FBXL18: variants seen among roughly 807,000 people sequenced by gnomAD.
FBXL18 encodes F-box/LRR-repeat protein 18.
FBXL18 carries 36 observed loss-of-function variants against 46.0 expected under a neutral mutation model. The observed-to-expected ratio is 0.78, with a 90% CI of 0.60 to 1.03. The LOEUF (loss-of-function observed/expected upper bound fraction) is 1.03. FBXL18 is among the 50% of genes least tolerant of loss of function. The pLI is 0.00. For synonymous variants in FBXL18, 557 were observed against 465.3 expected, an observed-to-expected ratio of 1.20 and a Z score of -2.54; for missense variants, 977 against 1,004.1, an observed-to-expected ratio of 0.97 and a Z score of 0.36.
Position 5,458,463 on chromosome 7 carries a change from G to T in FBXL18, c.2001-10620C>A, listed in dbSNP as rs1436194498. Among the ~76,000 whole-genome samples, 6 of 152,118 alleles carry T rather than the reference G, an allele frequency of 3.9e-5. No homozygotes were observed. In the East Asian group the frequency reaches 1.2e-3, roughly 29 times the overall value. Reference sequence around the variant, plus strand: ...GCCTGTAATCCCAGCACTTTGGGAGGCTGCGGCGGGCGGATCACGAGATCA... The same window carrying T: ...GCCTGTAATCCCAGCACTTTGGGAGTCTGCGGCGGGCGGATCACGAGATCA... On this transcript the variant is annotated intron_variant and NMD_transcript_variant, in intron 4 of 6. Coordinates refer to the FBXL18 transcript ENST00000415009.
intron 4 of FBXL18, among the ~76,000 whole-genome samples, chr7:5,456,771 T>C (rs1294139933): frequency 6.6e-6 from 1 of 152,168 alleles, no homozygotes; most frequent in Non-Finnish European, 1.5e-5. Flanking sequence ...GTCCCCTTTT[T>C]TTGTTTGTTT....
In FBXL18 at chr7:5,505,505, C is replaced by T; in HGVS notation, c.144G>A (p.Leu48=). 1 of 1,614,178 alleles carries T rather than the reference C, an allele frequency of 6.2e-7. No homozygotes were observed. Among genetic ancestry groups the T allele is most frequent in the African/African-American group, 1.3e-5 (1 of 75,052 alleles). Reference sequence around the variant, plus strand: ...GACAGGTACGCCGGACGTTCAGAATCAGATCTGTGCTGGGGACGTGACTCA... The same window carrying T: ...GACAGGTACGCCGGACGTTCAGAATTAGATCTGTGCTGGGGACGTGACTCA... ...HILSHVPSTD[L]ILNVRRTCRK... is the part of the protein sequence containing the mutation. Residue 48 remains leucine (L), a synonymous_variant, in exon 2 of 5, where the codon CTG becomes CTA. Coordinates refer to ENST00000382368, the MANE Select transcript of FBXL18 (RefSeq NM_024963.6).
At chr7:5,471,647 T>G (rs1476304445), downstream of FBXL18, among the ~76,000 whole-genome samples, 2 of 152,196 alleles carry the variant, frequency 1.3e-5, no homozygotes, top group Non-Finnish European at 2.9e-5. Context: ...CCTGACCTCA[T>G]GATCTGCCCT....
In FBXL18 at chr7:5,496,252, C is replaced by A. The variant is rs1241812821; in HGVS notation, c.1781+4236G>T. ...ATCAAAGGGGTCAAGACCTGTACAC[C>A]CATGAAAAGCACCTGGCAGAGGTCA... On this transcript the variant is annotated intron_variant, in intron 3 of 4. Coordinates refer to ENST00000382368, the MANE Select transcript of FBXL18 (RefSeq NM_024963.6). This position sits in a 1 kb window ranked among gnomAD's most constrained non-coding sequence, Gnocchi z 4.8. Among the ~76,000 whole-genome samples the A allele has an allele frequency of 1.3e-5, 2 of 152,166 alleles. No homozygotes were observed. The highest frequency in any genetic ancestry group is 2.1e-4 in the South Asian group (1 of 4,836).
chr7:5,468,918 C>G (rs1345906103), intron 4 of FBXL18, among the ~76,000 whole-genome samples: 1 of 152,122 alleles, frequency 6.6e-6, no homozygotes, highest in African/African-American at 2.4e-5. Flanking sequence ...CACCTCTAAT[C>G]AAACTGGCTG....
At chr7:5,466,305 AGTCC>A (rs1365826929) in intron 4 of FBXL18, among the ~76,000 whole-genome samples, 1 of 152,204 alleles carries the variant, frequency 6.6e-6, no homozygotes. Context: ...GAGGGTCAGA[AGTCC>A]GAGATAGGTC....
chr7:5,463,369 C>T lies in FBXL18; in HGVS notation c.2001-15526G>A, dbSNP rs575356059. ...GGGCAGTGGCTCAGGCCTGTAATTC[C>T]AGCGCCTTGGGAGGTCAAGGCAGGA... On this transcript the variant is annotated intron_variant and NMD_transcript_variant, in intron 4 of 6. Coordinates refer to the FBXL18 transcript ENST00000415009. Among the ~76,000 whole-genome samples, 8 of 152,004 alleles carry T rather than the reference C, an allele frequency of 5.3e-5. No homozygotes were observed. The South Asian group carries it at 1.5e-3, about 28-fold the overall frequency.
At chr7:5,458,581 C>G (rs879772448) in intron 4 of FBXL18, among the ~76,000 whole-genome samples, 2 of 152,038 alleles carry the variant, frequency 1.3e-5, no homozygotes, top group Non-Finnish European at 2.9e-5. Flanking sequence ...ACCTGTAATC[C>G]GAGCTACTCA....
chr7:5,498,318 C>T (rs1055738284), intron 3 of FBXL18, among the ~76,000 whole-genome samples: 1 of 152,140 alleles, frequency 6.6e-6, no homozygotes, highest in Non-Finnish European at 1.5e-5. Flanking sequence ...GATCTCCTGA[C>T]CTTATGATCC....
At chr7:5,508,972 C>T (rs1346070215) in intron 1 of FBXL18, among the ~76,000 whole-genome samples, 2 of 152,228 alleles carry the variant, frequency 1.3e-5, no homozygotes, top group South Asian at 2.1e-4. Context: ...ATGGGTGGAT[C>T]ACCTGAGGTC....
In FBXL18 at chr7:5,496,215, G is replaced by C. The variant is rs563803828; in HGVS notation, c.1781+4273C>G. On this transcript the variant is annotated intron_variant, in intron 3 of 4. Transcript: ENST00000382368. The surrounding 1 kb of genome is among the most constrained non-coding windows in gnomAD (Gnocchi z 4.8). Reference sequence around the variant, plus strand: ...GGTACAACTGTGTCGACACTCAGAGGTTGTTGAGAATATCAAAGGGGTCAA... The same window carrying C: ...GGTACAACTGTGTCGACACTCAGAGCTTGTTGAGAATATCAAAGGGGTCAA... Among the ~76,000 whole-genome samples the C allele has an allele frequency of 2.0e-4, 30 of 152,166 alleles. No homozygotes were observed. Among genetic ancestry groups the C allele is most frequent in the Non-Finnish European group, 3.5e-4 (24 of 68,036 alleles).
rs1410669459 is a variant in FBXL18, at chr7:5,501,419, C to T, written c.850G>A (p.Asp284Asn). The change falls in exon 3 of 5, where the codon GAC becomes AAC. Residue 284 changes from aspartate to asparagine, a missense_variant. By Grantham distance (23) the Asp-to-Asn change is conservative. Coordinates refer to ENST00000382368, the MANE Select transcript of FBXL18 (RefSeq NM_024963.6). The part of the protein sequence containing the change: ...AESGATKNLL[D>N]SMARNVVLDA... Reference sequence around the variant, plus strand: ...AGCACGACATTGCGCGCCATGGAGTCCAGGAGGTTCTTGGTGGCGCCGCTC... The same window carrying T: ...AGCACGACATTGCGCGCCATGGAGTTCAGGAGGTTCTTGGTGGCGCCGCTC... 12 of 1,613,598 alleles carry T rather than the reference C, an allele frequency of 7.4e-6. No individual in the cohort carries two copies. The highest frequency in any genetic ancestry group is 1.0e-5 in the Non-Finnish European group (12 of 1,180,026).
At chr7:5,458,622 G>A (rs749610387) in intron 4 of FBXL18, among the ~76,000 whole-genome samples, 38 of 152,022 alleles carry the variant, frequency 2.5e-4, no homozygotes, top group Non-Finnish European at 4.7e-4. Flanking sequence ...CGCTTAACTC[G>A]GGAGGCAGAG....
At position 5,500,734 on chromosome 7, in the gene FBXL18, G is replaced by A; in HGVS notation, c.1535C>T (p.Pro512Leu). The A allele has an allele frequency of 1.2e-6, 2 of 1,612,482 alleles. No individual in the cohort carries two copies. Among genetic ancestry groups the A allele is most frequent in the African/African-American group, 2.7e-5 (2 of 75,052 alleles). The part of the protein sequence containing the change: ...NEPAIRNSLP[P>L]CSRAQSVGDS... ...CCCGACACTCTGTGCGCGGCTGCAG[G>A]GTGGGAGCGAGTTGCGGATGGCGGG... Residue 512 changes from proline to leucine, a missense_variant, in exon 3 of 5, where the codon CCC becomes CTC. By Grantham distance (98) the Pro-to-Leu change is moderately conservative. Coordinates refer to ENST00000382368, the MANE Select transcript of FBXL18 (RefSeq NM_024963.6).
At position 5,500,868 on chromosome 7, in the gene FBXL18, C is replaced by A. The variant is rs1322916207; in HGVS notation, c.1401G>T (p.Ala467=). The A allele has an allele frequency of 6.2e-7, 1 of 1,600,556 alleles. No homozygotes were observed. Among genetic ancestry groups the A allele is most frequent in the East Asian group, 2.2e-5 (1 of 44,640 alleles). ...AGAACACGGAGGAGGGCTGGGGGCA[C>A]GCCTGGCCCGAGAAGGGGCTGGGAC... ...QSCPSPFSGQ[A]CPQPSSVFWS... The change falls in exon 3 of 5, where the codon GCG becomes GCT. Residue 467 remains alanine (A), a synonymous_variant. Coordinates refer to ENST00000382368, the MANE Select transcript of FBXL18 (RefSeq NM_024963.6).
At position 5,496,050 on chromosome 7, in the gene FBXL18, C is replaced by T. The variant is rs544451150; in HGVS notation, c.1781+4438G>A. 2 of 364,820 alleles carry T rather than the reference C, an allele frequency of 5.5e-6. No homozygotes were observed. The highest frequency in any genetic ancestry group is 4.3e-5 in the African/African-American group (2 of 46,860). The allele number at this position is 364,820 out of a possible 1,614,324, so 22.6% of individuals were successfully genotyped here. ...CCTGCTCCTGAGGAAGGCCCTTGGC[C>T]ACGGGGATTCCGTCCCAGACTCCGG... On this transcript the variant is annotated intron_variant, in intron 3 of 4. Coordinates refer to ENST00000382368, the MANE Select transcript of FBXL18 (RefSeq NM_024963.6). This position sits in a 1 kb window ranked among gnomAD's most constrained non-coding sequence, Gnocchi z 4.8.
At chr7:5,458,049 A>T (rs1783195677) in intron 4 of FBXL18, among the ~76,000 whole-genome samples, 1 of 151,190 alleles carries the variant, frequency 6.6e-6, no homozygotes, top group Non-Finnish European at 1.5e-5. Context: ...TCTCTTCCAG[A>T]GGAGAATTGT....
chr7:5,497,793 A>C (rs1784122254), intron 3 of FBXL18, among the ~76,000 whole-genome samples: 1 of 152,218 alleles, frequency 6.6e-6, no homozygotes, highest in Non-Finnish European at 1.5e-5. Flanking sequence ...TCAAGGCTGC[A>C]ATCGCAGCAG....
intron 3 of FBXL18, 27 bp from the exon 4 acceptor site, chr7:5,491,476 G>A (rs6945991): frequency 0.011 from 16,407 of 1,533,014 alleles, 517 homozygotes; most frequent in African/African-American, 0.098. Flanking sequence ...CAGCTGTGAG[G>A]TCCGAGGGAG....
Sources: allele counts gnomAD v4.1 joint callset (sites outside exome capture counted in the v4.1 genomes callset), GRCh38; gene constraint gnomAD v4.1.1; non-coding constraint Gnocchi (gnomAD v3.1); transcripts MANE v1.5; gene names NCBI Gene and HGNC (gene_info 2026-07-23, HGNC 2026-07-21).